The following DLG5 variants were observed in gnomAD, a reference collection of about 807,000 sequenced individuals.
DLG5 encodes the protein disks large homolog 5.
A neutral mutation model predicts 189.8 loss-of-function variants in DLG5; 48 were observed. That is an observed-to-expected ratio of 0.25 (90% CI 0.20 to 0.32). The LOEUF (loss-of-function observed/expected upper bound fraction) is 0.32. Ranked by LOEUF, DLG5 falls within the 10% of genes least tolerant of loss-of-function variation. DLG5 has a pLI of 1.00. For synonymous variants in DLG5, 1,016 were observed against 1,054.1 expected (o/e 0.96, Z 0.70); for missense variants, 2,160 against 2,544.7 (o/e 0.85, Z 3.25).
chr10:77,798,218 A>G (rs928293138), intron 27 of DLG5, among the ~76,000 whole-genome samples: 35 of 152,224 alleles, frequency 2.3e-4, no homozygotes, highest in African/African-American at 8.4e-4. Context: ...AAAACTGATC[A>G]TTATCCACAT....
intron 13 of DLG5, among the ~76,000 whole-genome samples, chr10:77,825,008 T>C (rs924383044): frequency 6.6e-6 from 1 of 152,092 alleles, no homozygotes; most frequent in Admixed American, 6.5e-5. Flanking sequence ...TCTTAAGAAG[T>C]ATATGTGCAA....
intron 1 of DLG5, among the ~76,000 whole-genome samples, chr10:77,913,002 C>T (rs1414854319): frequency 8.5e-5 from 13 of 152,216 alleles, no homozygotes; most frequent in Admixed American, 7.2e-4. Flanking sequence ...CCATACTCCC[C>T]ATCAGTGCCT....
At chr10:77,870,275 G>C (rs560415458) in intron 1 of DLG5, among the ~76,000 whole-genome samples, 1 of 152,330 alleles carries the variant, frequency 6.6e-6, no homozygotes, top group East Asian at 1.9e-4. Flanking sequence ...GTGAGCTGGA[G>C]ATGGAATTTT....
At chr10:77,799,289 C>G (rs999791041) in intron 27 of DLG5, among the ~76,000 whole-genome samples, 14 of 152,336 alleles carry the variant, frequency 9.2e-5, no homozygotes, top group African/African-American at 3.1e-4. Flanking sequence ...ACTATGTCCC[C>G]TCGACATTTA....
At chr10:77,820,822 G>A (rs139658564) in intron 15 of DLG5, 2 of 508,194 alleles carry the variant, frequency 3.9e-6, no homozygotes, top group Non-Finnish European at 6.9e-6. Flanking sequence ...AAGTTCAAAA[G>A]CTTCTTATTA....
upstream of DLG5, among the ~76,000 whole-genome samples, chr10:77,930,814 A>AT (rs35563477): frequency 0.27 from 25,013 of 91,644 alleles, 4,335 homozygotes; most frequent in Admixed American, 0.37. Flanking sequence ...CACCTGGCTA[A>AT]TTTTTTTTTT....
intron 5 of DLG5, among the ~76,000 whole-genome samples, chr10:77,851,712 A>G (rs985962416): frequency 6.6e-6 from 1 of 152,226 alleles, no homozygotes; most frequent in Non-Finnish European, 1.5e-5. Flanking sequence ...ATAAAACCTC[A>G]ATCAATATCG....
At chr10:77,798,383 C>T (rs1322633957) in intron 27 of DLG5, among the ~76,000 whole-genome samples, 1 of 152,092 alleles carries the variant, frequency 6.6e-6, no homozygotes, top group Non-Finnish European at 1.5e-5. Flanking sequence ...GGGCAAAGAA[C>T]TTCCTCCGAG....
intron 5 of DLG5, among the ~76,000 whole-genome samples, chr10:77,846,137 C>T (rs886708940): frequency 1.3e-5 from 2 of 151,904 alleles, no homozygotes; most frequent in African/African-American, 2.4e-5. Flanking sequence ...CCCAGCTACT[C>T]GGGAGGCTGA....
chr10:77,822,843 G>A (rs1842438326), intron 14 of DLG5, among the ~76,000 whole-genome samples: 1 of 152,192 alleles, frequency 6.6e-6, no homozygotes, highest in Non-Finnish European at 1.5e-5. Flanking sequence ...TATACACTCT[G>A]TGATTCCAAC....
At chr10:77,934,847 TTTTTG>T in the DLG5 span, among the ~76,000 whole-genome samples, 4 of 135,264 alleles carry the variant, frequency 3.0e-5, no homozygotes, top group East Asian at 2.1e-4. Flanking sequence ...CTGTTCTTTT[TTTTTG>T]TTTTTTTGTT....
the DLG5 span, among the ~76,000 whole-genome samples, chr10:77,934,574 G>T: frequency 6.6e-6 from 1 of 152,110 alleles, no homozygotes; most frequent in Non-Finnish European, 1.5e-5. Flanking sequence ...TATTGGCTCT[G>T]AGATGGAGGG....
At chr10:77,924,380 A>G (rs886528652) in intron 1 of DLG5, among the ~76,000 whole-genome samples, 3 of 152,132 alleles carry the variant, frequency 2.0e-5, no homozygotes, top group African/African-American at 7.2e-5. Context: ...ATGAGGCCCC[A>G]CATTCTCCAC....
In DLG5 at chr10:77,816,580, G is replaced by C. The variant is rs759809006; in HGVS notation, c.3996C>G (p.Pro1332=). The C allele has an allele frequency of 1.9e-6, 3 of 1,614,026 alleles. No individual in the cohort carries two copies. Among genetic ancestry groups the C allele is most frequent in the Admixed American group, 1.7e-5 (1 of 60,004 alleles). The part of the protein sequence containing the change: ...ASTLPRIAVN[P]ASLGERRKDR... ...CCTTTCTCCGCTCCCCGAGGGACGC[G>C]GGGTTGACAGCGATTCTGGGCAATG... Residue 1332 remains proline, a synonymous_variant, in exon 20 of 32, where the codon CCC becomes CCG. Coordinates refer to ENST00000372391, the MANE Select transcript of DLG5 (RefSeq NM_004747.4).
intron 15 of DLG5, chr10:77,820,853 T>C (rs1174455686): frequency 3.7e-6 from 2 of 542,082 alleles, no homozygotes; most frequent in Non-Finnish European, 6.4e-6. Context: ...CCAAATGCTA[T>C]GCCCAATAAA....
upstream of DLG5, chr10:77,928,854 C>T (rs1325168629): frequency 6.6e-6 from 1 of 152,048 alleles, no homozygotes; most frequent in Non-Finnish European, 1.5e-5. Context: ...TGGTAAAACC[C>T]CGTCTCTAAC....
chr10:77,849,570 G>A (rs1033086031), intron 5 of DLG5, among the ~76,000 whole-genome samples: 2 of 152,246 alleles, frequency 1.3e-5, no homozygotes, highest in Non-Finnish European at 2.9e-5. Context: ...TTTGCTGAGA[G>A]GCACTGGTCC....
intron 25 of DLG5, among the ~76,000 whole-genome samples, chr10:77,807,230 C>T (rs1841522603): frequency 6.6e-6 from 1 of 152,174 alleles, no homozygotes; most frequent in Non-Finnish European, 1.5e-5. Flanking sequence ...TCCTCGAAGC[C>T]CAGGCCCGGC....
intron 1 of DLG5, chr10:77,912,397 G>A (rs896430328): frequency 6.6e-6 from 1 of 151,988 alleles, no homozygotes; most frequent in African/African-American, 2.4e-5. Flanking sequence ...CAACCTGGTG[G>A]TCTCCTGCTC....
Sources: gnomAD v4.1 joint callset for allele counts (sites outside exome capture counted in the v4.1 genomes callset) on GRCh38, gnomAD v4.1.1 for gene constraint, MANE v1.5 for transcripts, NCBI Gene and HGNC (gene_info 2026-07-23, HGNC 2026-07-21) for gene names.